PGGT1B: variants seen among roughly 807,000 people sequenced by gnomAD.
PGGT1B encodes the protein protein geranylgeranyltransferase type I subunit beta, also known as geranylgeranyl transferase type-1 subunit beta.
Under a neutral mutation model 46.1 loss-of-function variants are expected in PGGT1B, and 30 were observed. The observed-to-expected ratio is 0.65, with a 90% CI of 0.49 to 0.88. PGGT1B has a LOEUF of 0.88. Ranked by LOEUF, PGGT1B falls within the 40% of genes least tolerant of loss-of-function variation. The pLI, the probability that PGGT1B is intolerant of heterozygous loss-of-function variation, is 0.00. For missense variants in PGGT1B, 376 were observed against 455.9 expected (o/e 0.82, Z 1.60); for synonymous variants, 170 against 160.0 (o/e 1.06, Z -0.47).
intron 1 of PGGT1B, among the ~76,000 whole-genome samples, chr5:115,259,121 AT>A (rs1038091120): frequency 1.1e-4 from 17 of 152,180 alleles, no homozygotes; most frequent in African/African-American, 3.1e-4. Context: ...TTTTAACAAG[AT>A]CCCCAAGTGA....
chr5:115,207,989 T>A lies in PGGT1B; in HGVS notation c.*4413A>T, dbSNP rs1181267418. ...TTCTATCATGTCTTTTCTGCAAAGA[T>A]GAAGATATTTTTTAACTCTTAATAT... On this transcript the variant is annotated 3_prime_UTR_variant, in exon 9 of 9. Transcript: ENST00000419445. 1.3e-5 allele frequency: 2 copies of A among 152,072 alleles called. No homozygotes were observed. The highest frequency in any genetic ancestry group is 2.9e-5 in the Non-Finnish European group (2 of 67,958). 9.4% of individuals were successfully genotyped at this position (152,072 alleles called of 1,614,324 possible).
intron 1 of PGGT1B, among the ~76,000 whole-genome samples, chr5:115,258,971 T>C (rs575601295): frequency 1.3e-5 from 2 of 152,160 alleles, no homozygotes; most frequent in South Asian, 2.1e-4. Context: ...TCTAAGACCT[T>C]AGACGTTCTC....
rs531870104 is a variant in PGGT1B, at chr5:115,262,082, A to G, written c.140+630T>C. Among the ~76,000 whole-genome samples the G allele has an allele frequency of 3.0e-4, 46 of 152,362 alleles. 1 individual carries two copies. The South Asian group carries it at 9.1e-3, about 30-fold the overall frequency. ...TTCACTTCAAAACACAGCAATGCGG[A>G]GCAAAGATTGCCTTCTCCTTTCTTT... On this transcript the variant is annotated intron_variant, in intron 1 of 8. Transcript: ENST00000419445.
At chr5:115,217,540 C>A (rs1226479802) in intron 7 of PGGT1B, among the ~76,000 whole-genome samples, 1 of 151,920 alleles carries the variant, frequency 6.6e-6, no homozygotes, top group Non-Finnish European at 1.5e-5. Context: ...CTTGGCTTTT[C>A]TCTCAAGACC....
chr5:115,251,931 A>G (rs1268974916), intron 2 of PGGT1B, among the ~76,000 whole-genome samples: 1 of 152,112 alleles, frequency 6.6e-6, no homozygotes, highest in East Asian at 1.9e-4. Flanking sequence ...ATTATTAAAA[A>G]ACATCCGGCA....
intron 6 of PGGT1B, among the ~76,000 whole-genome samples, chr5:115,229,686 T>C (rs1471401691): frequency 1.3e-5 from 2 of 152,100 alleles, no homozygotes; most frequent in East Asian, 3.9e-4. Flanking sequence ...CCACCTACAA[T>C]AGTAAACACC....
rs922920735 is a variant in PGGT1B, at chr5:115,225,863, G to A, written c.659-3855C>T. The stretch of plus-strand genomic sequence containing the variant: ...GGGGTTTCATCATGTTGGCCAGGCT[G>A]GTCCTGAACTCCTGACCTCAAGTGA... On this transcript the variant is annotated intron_variant, in intron 6 of 8. Coordinates refer to ENST00000419445, the MANE Select transcript of PGGT1B (RefSeq NM_005023.4). 9.4e-4 allele frequency among the ~76,000 whole-genome samples: 143 copies of A among 151,952 alleles called. 1 individual carries two copies. The highest frequency in any genetic ancestry group is 3.4e-3 in the African/African-American group (139 of 41,416).
At chr5:115,245,726 T>C (rs1370624369) in intron 2 of PGGT1B, among the ~76,000 whole-genome samples, 1 of 151,556 alleles carries the variant, frequency 6.6e-6, no homozygotes, top group African/African-American at 2.4e-5. Flanking sequence ...AATGTTTTTC[T>C]TTTTTTTTCC....
chr5:115,262,701 C>G lies in PGGT1B; in HGVS notation c.140+11G>C. ...CCTTGTGCCAGCCTGGCTGACTGTG[C>G]CACGAGTTACCTGCTTGTCTCGAGT... On this transcript the variant is annotated intron_variant, in intron 1 of 8. Coordinates refer to ENST00000419445, the MANE Select transcript of PGGT1B (RefSeq NM_005023.4). 6.3e-7 allele frequency: 1 copy of G among 1,599,436 alleles called. No homozygotes were observed. The highest frequency in any genetic ancestry group is 8.5e-7 in the Non-Finnish European group (1 of 1,172,692).
chr5:115,219,327 G>T (rs553416513), intron 7 of PGGT1B, among the ~76,000 whole-genome samples: 1 of 151,924 alleles, frequency 6.6e-6, no homozygotes, highest in Non-Finnish European at 1.5e-5. Flanking sequence ...TTTGACAAGG[G>T]TGCCAAAACC....
rs1310625610 is a variant in PGGT1B, at chr5:115,216,856, A to C, written c.952+9T>G. 2.2e-6 allele frequency: 3 copies of C among 1,381,676 alleles called. No individual in the cohort carries two copies. In the Admixed American group the frequency reaches 5.1e-5, roughly 23 times the overall value. The allele number at this position is 1,381,676 out of a possible 1,614,324, so 85.6% of individuals were successfully genotyped here. ...AAAGGTTGTTCTGATTCACAAAGAAAATAATTACCTGGATGACTGTCTGGC... is the reference window on the plus strand; with the variant it reads ...AAAGGTTGTTCTGATTCACAAAGAACATAATTACCTGGATGACTGTCTGGC... On this transcript the variant is annotated intron_variant, in intron 8 of 8. Coordinates refer to ENST00000419445, the MANE Select transcript of PGGT1B (RefSeq NM_005023.4).
chr5:115,218,397 G>GTGTA (rs1554070208), intron 7 of PGGT1B, among the ~76,000 whole-genome samples: 10 of 139,594 alleles, frequency 7.2e-5, no homozygotes, highest in Middle Eastern at 3.6e-3. Flanking sequence ...ATGTGTGTGT[G>GTGTA]TATATATATA....
At chr5:115,237,746 G>A (rs940551838) in intron 4 of PGGT1B, 112 bp downstream of exon 4, 3 of 794,828 alleles carry the variant, frequency 3.8e-6, no homozygotes, top group Non-Finnish European at 5.6e-6. Context: ...AGCTTTAGGT[G>A]GGGTTCTAAT....
intron 1 of PGGT1B, among the ~76,000 whole-genome samples, chr5:115,255,554 T>C (rs888726404): frequency 6.6e-6 from 1 of 152,118 alleles, no homozygotes; most frequent in Non-Finnish European, 1.5e-5. Context: ...CTAATACAGT[T>C]TATTAAAGCG....
chr5:115,221,797 T>C, intron 7 of PGGT1B, 27 bp downstream of exon 7: 3 of 1,414,944 alleles, frequency 2.1e-6, no homozygotes, highest in East Asian at 2.3e-5. Context: ...AGAATATAGG[T>C]TTCTCATTTT....
intron 1 of PGGT1B, among the ~76,000 whole-genome samples, chr5:115,262,111 C>T (rs1181175102): frequency 6.6e-6 from 1 of 152,238 alleles, no homozygotes; most frequent in East Asian, 1.9e-4. Flanking sequence ...TTTCTTTCTT[C>T]TCATCCCCAG....
rs568815341 is a variant in PGGT1B at position 115,208,245 on chromosome 5, CTTTA to C, written c.*4153_*4156del. 1.6e-3 allele frequency: 250 copies of C among 151,590 alleles called. 1 individual carries two copies. The highest frequency in any genetic ancestry group is 5.7e-3 in the African/African-American group (236 of 41,372). 9.4% of individuals were successfully genotyped at this position (151,590 alleles called of 1,614,324 possible). A position where few individuals can be genotyped will look rare whatever the true frequency, so the allele number is the denominator to read the frequency against. On this transcript the variant is annotated 3_prime_UTR_variant, in exon 9 of 9. Coordinates refer to ENST00000419445, the MANE Select transcript of PGGT1B (RefSeq NM_005023.4). ...TTATAAAATGAATTCAGGAGTTTTT[CTTTA>C]TTTGTTTTTTTTCTTTTTTTGGCAC... is the stretch of plus-strand genomic sequence containing the variant.
intron 2 of PGGT1B, among the ~76,000 whole-genome samples, chr5:115,250,573 T>C (rs1748048665): frequency 6.6e-6 from 1 of 152,270 alleles, no homozygotes; most frequent in East Asian, 1.9e-4. Context: ...TCCATGGAGT[T>C]GACAGTTTAA....
At chr5:115,217,438 A>C (rs1756455972) in intron 7 of PGGT1B, among the ~76,000 whole-genome samples, 1 of 152,144 alleles carries the variant, frequency 6.6e-6, no homozygotes, top group Non-Finnish European at 1.5e-5. Context: ...AATAGTAAAA[A>C]AGTATAGCTC....
Sources: allele counts gnomAD v4.1 joint callset (sites outside exome capture counted in the v4.1 genomes callset), GRCh38; gene constraint gnomAD v4.1.1; transcripts MANE v1.5; gene names NCBI Gene and HGNC (gene_info 2026-07-23, HGNC 2026-07-21).